The following TEX36 variants were observed in gnomAD, a reference collection of about 807,000 sequenced individuals.
TEX36 encodes testis-expressed protein 36.
A neutral mutation model predicts 13.6 loss-of-function variants in TEX36; 12 were observed. The ratio of observed to expected loss-of-function variants is 0.88; its 90% CI spans 0.56 to 1.43. The LOEUF (loss-of-function observed/expected upper bound fraction) is 1.43. Ranked by LOEUF, TEX36 falls within the 40% of genes most tolerant of loss-of-function variation. The pLI, the probability that TEX36 is intolerant of heterozygous loss-of-function variation, is 0.00. For missense variants in TEX36, 224 were observed against 228.3 expected, an observed-to-expected ratio of 0.98 and a Z score of 0.12; for synonymous variants, 93 against 83.0, an observed-to-expected ratio of 1.12 and a Z score of -0.65.
At chr10:125,673,932 G>GGGC (rs1327870662) in intron 1 of TEX36, among the ~76,000 whole-genome samples, 1 of 151,848 alleles carries the variant, frequency 6.6e-6, no homozygotes, top group African/African-American at 2.4e-5. Flanking sequence ...TATCTTACTG[G>GGGC]GGCTCTCTGT....
At chr10:125,597,568 G>A (rs924198481) in intron 3 of TEX36, among the ~76,000 whole-genome samples, 1 of 152,232 alleles carries the variant, frequency 6.6e-6, no homozygotes, top group Admixed American at 6.5e-5. Flanking sequence ...CAAAAAGGCA[G>A]GATATCTTGA....
chr10:125,618,835 G>A (rs556193616), downstream of TEX36, among the ~76,000 whole-genome samples: 15 of 151,580 alleles, frequency 9.9e-5, no homozygotes, highest in South Asian at 1.2e-3. Context: ...GGCCAGGCGC[G>A]GTGGCTCACG....
chr10:125,584,083 G>T (rs1845915818), intron 3 of TEX36, among the ~76,000 whole-genome samples: 2 of 152,270 alleles, frequency 1.3e-5, no homozygotes, highest in African/African-American at 4.8e-5. Flanking sequence ...ATGCAAAAAA[G>T]GTCCCACCTG....
rs144152698 is a variant in TEX36 at position 125,674,241 on chromosome 10, G to T, written c.51+8698C>A. On this transcript the variant is annotated intron_variant, in intron 1 of 3. Coordinates refer to ENST00000368821, the MANE Select transcript of TEX36 (RefSeq NM_001128202.3). ...TTGATACTTGTGGTTGCATTGTGAC[G>T]TTTTCATGTTGAGTTTTTCAGCTCC... is the stretch of plus-strand genomic sequence containing the variant. Among the ~76,000 whole-genome samples the T allele has an allele frequency of 2.3e-4, 35 of 152,140 alleles. 2 individuals carry two copies. In the South Asian group the frequency reaches 7.3e-3, roughly 32 times the overall value.
downstream of TEX36, among the ~76,000 whole-genome samples, chr10:125,655,408 G>A (rs981747682): frequency 1.3e-5 from 2 of 152,176 alleles, no homozygotes; most frequent in African/African-American, 4.8e-5. Context: ...TGGTGCCACT[G>A]CACTCCAGCC....
rs144778574 is a variant in TEX36, at chr10:125,665,076, G to GGTT, written c.52-3102_52-3100dup. Among the ~76,000 whole-genome samples, 604 of 151,820 alleles carry GGTT rather than the reference G, an allele frequency of 4.0e-3. 7 individuals are homozygous for GGTT. The highest frequency in any genetic ancestry group is 0.013 in the African/African-American group (542 of 41,430). ...TTTTAATGGAATTACTTGGTTTTTTGGTTGTTGTTGTTGTTGTTGTTGTTT... is the reference window on the plus strand; with the variant it reads ...TTTTAATGGAATTACTTGGTTTTTTGGTTGTTGTTGTTGTTGTTGTTGTTGTTT... On this transcript the variant is annotated intron_variant, in intron 1 of 3. Transcript: ENST00000368821.
chr10:125,674,826 G>A (rs1299794038), intron 1 of TEX36, among the ~76,000 whole-genome samples: 6 of 152,234 alleles, frequency 3.9e-5, no homozygotes, highest in African/African-American at 1.2e-4. Flanking sequence ...GTCCCAGAGG[G>A]ACACTGACCT....
intron 1 of TEX36, chr10:125,667,524 C>G (rs1395457527): frequency 1.1e-5 from 8 of 733,600 alleles, no homozygotes; most frequent in Non-Finnish European, 1.8e-5. Flanking sequence ...GTGAAGTCAG[C>G]TCCATCCTTC....
intron 1 of TEX36, chr10:125,668,084 G>A: frequency 1.7e-6 from 1 of 602,228 alleles, no homozygotes. Context: ...TCTGTGGACA[G>A]AGTGTGGTTG....
chr10:125,638,656 T>C (rs567346383), intron 3 of TEX36, among the ~76,000 whole-genome samples: 1 of 152,356 alleles, frequency 6.6e-6, no homozygotes, highest in South Asian at 2.1e-4. Context: ...CCTACGTGTC[T>C]AGTCCTGAGC....
At chr10:125,641,895 C>T (rs566207768) in intron 3 of TEX36, among the ~76,000 whole-genome samples, 1 of 152,260 alleles carries the variant, frequency 6.6e-6, no homozygotes, top group South Asian at 2.1e-4. Context: ...GGTGGTTGGA[C>T]AGTGTTATCT....
chr10:125,617,466 T>A (rs1345402168), downstream of TEX36, among the ~76,000 whole-genome samples: 1 of 152,232 alleles, frequency 6.6e-6, no homozygotes, highest in Non-Finnish European at 1.5e-5. Context: ...TCAGGAGCTC[T>A]TTTAGGGCAG....
At chr10:125,596,396 A>G (rs912590694) in intron 3 of TEX36, among the ~76,000 whole-genome samples, 1 of 152,132 alleles carries the variant, frequency 6.6e-6, no homozygotes, top group Admixed American at 6.5e-5. Context: ...GGAGAGAAAG[A>G]GATTCAAAGA....
intron 3 of TEX36, among the ~76,000 whole-genome samples, chr10:125,597,246 C>T (rs185619987): frequency 3.0e-4 from 46 of 152,312 alleles, no homozygotes; most frequent in African/African-American, 1.1e-3. Flanking sequence ...ACTGTGTCCA[C>T]CATGTGAAGT....
intron 1 of TEX36, among the ~76,000 whole-genome samples, chr10:125,670,942 T>G (rs1765085987): frequency 6.6e-6 from 1 of 152,228 alleles, no homozygotes; most frequent in South Asian, 2.1e-4. Context: ...TTGGTCTATG[T>G]GTCTGTTTTT....
chr10:125,643,394 G>A (rs888106686), intron 3 of TEX36, among the ~76,000 whole-genome samples: 1 of 152,064 alleles, frequency 6.6e-6, no homozygotes, highest in African/African-American at 2.4e-5. Flanking sequence ...GATCATTTGA[G>A]GTCAGGAGTT....
At chr10:125,663,692 G>A (rs1388031881) in intron 1 of TEX36, among the ~76,000 whole-genome samples, 3 of 151,982 alleles carry the variant, frequency 2.0e-5, no homozygotes, top group Non-Finnish European at 4.4e-5. Flanking sequence ...CCATTTATAT[G>A]TCTCCTTTTT....
At chr10:125,636,459 C>A (rs1846625398) in intron 3 of TEX36, among the ~76,000 whole-genome samples, 1 of 151,980 alleles carries the variant, frequency 6.6e-6, no homozygotes, top group African/African-American at 2.4e-5. Context: ...CGTGATCCAC[C>A]TGCCTCGGCC....
rs568293291 is a variant in TEX36, at chr10:125,611,317, G to A, written c.265-34443C>T. Among the ~76,000 whole-genome samples the A allele has an allele frequency of 6.6e-5, 10 of 152,236 alleles. No individual in the cohort carries two copies. The East Asian group carries it at 1.7e-3, about 26-fold the overall frequency. ...TGCCAAATTGCCCTCCAGAAAAATT[G>A]TACCAATTTATATTCCCACCCGTTT... On this transcript the variant is annotated intron_variant, in intron 3 of 3. Coordinates refer to the TEX36 transcript ENST00000532135.
Sources: allele counts gnomAD v4.1 joint callset (sites outside exome capture counted in the v4.1 genomes callset), GRCh38; gene constraint gnomAD v4.1.1; transcripts MANE v1.5; gene names NCBI Gene and HGNC (gene_info 2026-07-23, HGNC 2026-07-21).